KCNB2: variants seen among roughly 807,000 people sequenced by gnomAD.
The protein encoded by KCNB2 is delayed rectifier potassium channel protein.
Under a neutral mutation model 61.5 loss-of-function variants are expected in KCNB2, and 15 were observed. The observed-to-expected ratio is 0.24, with a 90% CI of 0.16 to 0.38. The LOEUF is 0.38. KCNB2 is among the 10% of genes least tolerant of loss of function. The probability of loss-of-function intolerance (pLI) is 1.00; values close to 1 mark genes in which losing one functional copy is unlikely to be tolerated. For missense variants in KCNB2, 828 were observed against 1,125.2 expected (o/e 0.74, Z 3.78); for synonymous variants, 457 against 446.0 (o/e 1.02, Z -0.31).
intron 2 of KCNB2, among the ~76,000 whole-genome samples, chr8:72,850,023 T>C (rs945330330): frequency 1.1e-4 from 16 of 152,210 alleles, no homozygotes; most frequent in African/African-American, 3.6e-4. Context: ...AACCTAGCAC[T>C]GTTTTGACAT....
At chr8:72,676,964 C>T (rs1341623577) in intron 2 of KCNB2, among the ~76,000 whole-genome samples, 5 of 152,092 alleles carry the variant, frequency 3.3e-5, no homozygotes, top group Admixed American at 1.3e-4. Flanking sequence ...CTTAACCCCT[C>T]GGTACCTCAC....
At chr8:72,592,274 ATATAG>A (rs971086641) in intron 2 of KCNB2, among the ~76,000 whole-genome samples, 133 of 152,300 alleles carry the variant, frequency 8.7e-4, no homozygotes, top group African/African-American at 3.2e-3. Flanking sequence ...ATGGAGTTAA[ATATAG>A]TAGAGTAAGT....
intron 2 of KCNB2, among the ~76,000 whole-genome samples, chr8:72,669,465 T>A (rs1806528422): frequency 6.6e-6 from 1 of 152,226 alleles, no homozygotes; most frequent in African/African-American, 2.4e-5. Flanking sequence ...AGAAAAGAGA[T>A]AAATACATTC....
chr8:72,781,818 G>C (rs532285885), intron 2 of KCNB2, among the ~76,000 whole-genome samples: 1 of 152,262 alleles, frequency 6.6e-6, no homozygotes, highest in African/African-American at 2.4e-5. Context: ...GCAGGGACCT[G>C]GATAGAGCTT....
In KCNB2 at chr8:72,603,888, A is replaced by G. The variant is rs149107857; in HGVS notation, c.579+35575A>G. Among the ~76,000 whole-genome samples, 516 of 152,264 alleles carry G rather than the reference A, an allele frequency of 3.4e-3. 2 individuals carry two copies. The highest frequency in any genetic ancestry group is 0.012 in the African/African-American group (482 of 41,570). On this transcript the variant is annotated intron_variant, in intron 2 of 2. Coordinates refer to ENST00000523207, the MANE Select transcript of KCNB2 (RefSeq NM_004770.3). ...GAACTTGGAGGTAGAAATTGGCATG[A>G]TGCATCTACAAGCCGAGGAATGCCA...
At chr8:72,555,559 A>G (rs1234419607) in intron 1 of KCNB2, among the ~76,000 whole-genome samples, 2 of 151,792 alleles carry the variant, frequency 1.3e-5, no homozygotes, top group Non-Finnish European at 2.9e-5. Context: ...TGCTTTAAAT[A>G]TCACCATCTC....
chr8:72,609,416 A>C (rs2128983180), intron 2 of KCNB2, among the ~76,000 whole-genome samples: 1 of 152,364 alleles, frequency 6.6e-6, no homozygotes, highest in South Asian at 2.1e-4. Flanking sequence ...AAGTTCCGTT[A>C]GAAGTGAGTT....
chr8:72,750,625 C>T (rs1808172979), intron 2 of KCNB2: 2 of 152,158 alleles, frequency 1.3e-5, no homozygotes, highest in Non-Finnish European at 2.9e-5. Flanking sequence ...CATTACAGCA[C>T]ATTAATTTTG....
chr8:72,598,315 T>A (rs931252767), intron 2 of KCNB2, among the ~76,000 whole-genome samples: 1 of 152,214 alleles, frequency 6.6e-6, no homozygotes, highest in Non-Finnish European at 1.5e-5. Flanking sequence ...TCAATAAACG[T>A]AATCCAGCAT....
intron 2 of KCNB2, among the ~76,000 whole-genome samples, chr8:72,640,340 A>C (rs1431094572): frequency 6.6e-6 from 1 of 152,096 alleles, no homozygotes. Flanking sequence ...TGAGTAAGTG[A>C]ACAGCTGAAT....
intron 2 of KCNB2, among the ~76,000 whole-genome samples, chr8:72,734,298 AT>A (rs1412394136): frequency 6.6e-6 from 1 of 152,138 alleles, no homozygotes; most frequent in Non-Finnish European, 1.5e-5. Context: ...CCAGCAGCCT[AT>A]TGTCTTTATT....
intron 2 of KCNB2, among the ~76,000 whole-genome samples, chr8:72,917,107 C>A (rs1288175021): frequency 6.6e-6 from 1 of 152,184 alleles, no homozygotes; most frequent in Admixed American, 6.5e-5. Flanking sequence ...TGCCTTCTGT[C>A]CCTATCAGTT....
At position 72,609,165 on chromosome 8, in the gene KCNB2, T is replaced by A. The variant is rs1306918939; in HGVS notation, c.579+40852T>A. On this transcript the variant is annotated intron_variant, in intron 2 of 2. Transcript: ENST00000523207. ...AGAGAATTTGTTCAACATCATATAG[T>A]AGCTAATTAAATATTCAAAGCTAGG... Among the ~76,000 whole-genome samples, 19 of 152,218 alleles carry A rather than the reference T, an allele frequency of 1.2e-4. 1 individual carries two copies. Among genetic ancestry groups the A allele is most frequent in the Admixed American group, 1.2e-3 (18 of 15,272 alleles).
chr8:72,923,817 T>C (rs1268613305), intron 2 of KCNB2, among the ~76,000 whole-genome samples: 1 of 152,210 alleles, frequency 6.6e-6, no homozygotes, highest in African/African-American at 2.4e-5. Context: ...TAACATTATA[T>C]AGTAGTTAAT....
intron 2 of KCNB2, among the ~76,000 whole-genome samples, chr8:72,610,901 G>C (rs1805526927): frequency 6.6e-6 from 1 of 152,144 alleles, no homozygotes; most frequent in Admixed American, 6.5e-5. Flanking sequence ...GAAATCCAAT[G>C]AGATCAGATT....
chr8:72,691,912 G>T (rs567451242), intron 2 of KCNB2, among the ~76,000 whole-genome samples: 60 of 152,244 alleles, frequency 3.9e-4, no homozygotes, highest in African/African-American at 1.4e-3. Context: ...ATATATCACA[G>T]TATGATTATA....
intron 2 of KCNB2, among the ~76,000 whole-genome samples, chr8:72,701,641 A>C (rs1034023557): frequency 3.3e-5 from 5 of 152,172 alleles, no homozygotes; most frequent in Non-Finnish European, 7.4e-5. Flanking sequence ...TATCAATACT[A>C]TTTTTAAGAA....
intron 2 of KCNB2, among the ~76,000 whole-genome samples, chr8:72,782,353 A>G (rs1808773604): frequency 6.6e-6 from 1 of 152,070 alleles, no homozygotes; most frequent in South Asian, 2.1e-4. Flanking sequence ...CGGCAGACAC[A>G]TCTGAATGTG....
chr8:72,834,266 C>T (rs1291567604), intron 2 of KCNB2, among the ~76,000 whole-genome samples: 2 of 152,082 alleles, frequency 1.3e-5, no homozygotes, highest in African/African-American at 2.4e-5. Context: ...AATAAGGAAA[C>T]ACTGAAGGAA....
Sources: allele counts gnomAD v4.1 joint callset (sites outside exome capture counted in the v4.1 genomes callset), GRCh38; gene constraint gnomAD v4.1.1; transcripts MANE v1.5; gene names NCBI Gene and HGNC (gene_info 2026-07-23, HGNC 2026-07-21).